EIF2AK4: variants seen among roughly 807,000 people sequenced by gnomAD.
The protein encoded by EIF2AK4 is eukaryotic translation initiation factor 2 alpha kinase 4.
A neutral mutation model predicts 211.1 loss-of-function variants in EIF2AK4; 139 were observed. The ratio of observed to expected loss-of-function variants is 0.66; its 90% CI spans 0.57 to 0.76. EIF2AK4 has a LOEUF of 0.76. EIF2AK4 is among the 30% of genes least tolerant of loss of function. The probability of loss-of-function intolerance (pLI) is 0.00; values close to 1 mark genes in which losing one functional copy is unlikely to be tolerated. For missense variants in EIF2AK4, 1,664 were observed against 2,043.8 expected, an observed-to-expected ratio of 0.81 and a Z score of 3.58; for synonymous variants, 710 against 751.3, an observed-to-expected ratio of 0.94 and a Z score of 0.90.
chr15:40,011,213 C>T (rs1034141880), intron 26 of EIF2AK4, 68 bp from the exon 27 acceptor site: 2 of 1,327,306 alleles, frequency 1.5e-6, no homozygotes, highest in Admixed American at 1.7e-5. Flanking sequence ...TAGAATTCGC[C>T]TGGAAATTGT....
At chr15:39,997,536 G>A (rs1360551445) in intron 19 of EIF2AK4, among the ~76,000 whole-genome samples, 1 of 152,200 alleles carries the variant, frequency 6.6e-6, no homozygotes, top group Non-Finnish European at 1.5e-5. Context: ...GGCTTGATAT[G>A]AATATGGTTA....
Position 40,032,622 on chromosome 15 carries a change from A to C in EIF2AK4, c.4729-135A>C, listed in dbSNP as rs2035558616. The C allele has an allele frequency of 5.4e-6, 4 of 744,328 alleles. No homozygotes were observed. In the South Asian group the frequency reaches 5.4e-5, roughly 10 times the overall value. The allele number at this position is 744,328 out of a possible 1,614,324, so 46.1% of individuals were successfully genotyped here. On this transcript the variant is annotated intron_variant, in intron 36 of 38. Transcript: ENST00000263791. ...CTAAGATCTTATCACTGCACAGTTC[A>C]TTAAGCCCTTTTACAGCACAATAGC...
intron 3 of EIF2AK4, chr15:39,946,811 T>C (rs1310072130): frequency 1.7e-6 from 1 of 597,784 alleles, no homozygotes; most frequent in Non-Finnish European, 3.0e-6. Flanking sequence ...GACAAAACCC[T>C]CTGTCTGCAA....
In EIF2AK4 at chr15:39,992,677, C is replaced by A. The variant is rs1409516711; in HGVS notation, c.2687-92C>A. 2 of 1,070,542 alleles carry A rather than the reference C, an allele frequency of 1.9e-6. 1 individual carries two copies. The highest frequency in any genetic ancestry group is 2.9e-6 in the Non-Finnish European group (2 of 693,976). 66.3% of individuals were successfully genotyped at this position (1,070,542 alleles called of 1,614,324 possible). ...TGGCATAGACAGTTAACAGATCATG[C>A]CTCACTTTTAAGAAACCTTTTTTTG... On this transcript the variant is annotated intron_variant, in intron 17 of 38. Transcript: ENST00000263791.
intron 19 of EIF2AK4, among the ~76,000 whole-genome samples, 169 bp downstream of exon 19, chr15:39,997,234 A>C (rs1031261581): frequency 1.3e-5 from 2 of 152,174 alleles, no homozygotes; most frequent in African/African-American, 4.8e-5. Context: ...CAGTTTTCCC[A>C]TTTTTAGTGA....
chr15:39,953,957 G>GA lies in EIF2AK4; in HGVS notation c.574dup (p.Arg192LysfsTer6). The GA allele has an allele frequency of 6.2e-7, 1 of 1,601,520 alleles. No individual in the cohort carries two copies. ...GAAGGAAAGAAGAGATAAAAGAAGA[G>GA]AAAAAAAGGAAAGAAATGGCTAAGC... On this transcript the variant is annotated frameshift_variant, in exon 5 of 39. Transcript: ENST00000263791. LOFTEE classifies it high-confidence loss of function.
At position 40,033,884 on chromosome 15, in the gene EIF2AK4, C is replaced by T. The variant is rs532492313; in HGVS notation, c.4774-442C>T. On this transcript the variant is annotated intron_variant, in intron 37 of 38. Coordinates refer to ENST00000263791, the MANE Select transcript of EIF2AK4 (RefSeq NM_001013703.4). ...TCTACTAAAAATACAAAAAATTAGC[C>T]GGGCGTAGTGGCAGGCGCCTGTAAT... Among the ~76,000 whole-genome samples, 265 of 151,988 alleles carry T rather than the reference C, an allele frequency of 1.7e-3. 2 individuals carry two copies. The highest frequency in any genetic ancestry group is 4.4e-3 in the South Asian group (21 of 4,816).
At position 39,961,899 on chromosome 15, in the gene EIF2AK4, G is replaced by A. The variant is rs2034478097; in HGVS notation, c.859G>A (p.Gly287Ser). 1 of 1,607,262 alleles carries A rather than the reference G, an allele frequency of 6.2e-7. No individual in the cohort carries two copies. The change falls in exon 7 of 39, where the codon GGC becomes AGC. Residue 287 changes from glycine (G) to serine (S), a missense_variant and splice_region_variant. Transcript: ENST00000263791. ...QLMVHKGKCI[G>S]SDEQLGKLVY... ...CATGGTGCACAAAGGGAAATGTATTGGTGAGTAAACTAGCAAAATCTATTC... is the reference window on the plus strand; with the variant it reads ...CATGGTGCACAAAGGGAAATGTATTAGTGAGTAAACTAGCAAAATCTATTC...
chr15:39,934,140 G>T lies in EIF2AK4; in HGVS notation c.-56G>T. 1.6e-6 allele frequency: 2 copies of T among 1,250,152 alleles called. No homozygotes were observed. Among genetic ancestry groups the T allele is most frequent in the South Asian group, 6.4e-5 (2 of 31,090 alleles). The allele number at this position is 1,250,152 out of a possible 1,614,324, so 77.4% of individuals were successfully genotyped here. ...AGCGCGGAGCCCCGCCCCGCAGGCT[G>T]CCGGGGGCCCACCGCCGCCCAGGCA... On this transcript the variant is annotated 5_prime_UTR_variant, in exon 1 of 39. Coordinates refer to ENST00000263791, the MANE Select transcript of EIF2AK4 (RefSeq NM_001013703.4).
At chr15:40,029,292 A>G in intron 33 of EIF2AK4, 114 bp from the exon 34 acceptor site, 1 of 1,407,952 alleles carries the variant, frequency 7.1e-7, no homozygotes, top group Non-Finnish European at 9.3e-7. Context: ...AACCAAGAAG[A>G]TGTTTTTATA....
At chr15:40,015,376 G>T (rs536866688) in intron 27 of EIF2AK4, among the ~76,000 whole-genome samples, 1 of 152,340 alleles carries the variant, frequency 6.6e-6, no homozygotes, top group Admixed American at 6.5e-5. Flanking sequence ...AATCATGGTG[G>T]AAAGCAAAGA....
Position 40,027,561 on chromosome 15 carries a change from C to T in EIF2AK4, c.4502+1472C>T, listed in dbSNP as rs1376229222. On this transcript the variant is annotated intron_variant, in intron 33 of 38. Transcript: ENST00000263791. ...ATTCTACTAAAGCTGAGTTCATTGA[C>T]ATGGAAAGATGTCCATAAATAGGAT... Among the ~76,000 whole-genome samples the T allele has an allele frequency of 2.0e-5, 3 of 151,594 alleles. No individual in the cohort carries two copies. In the East Asian group the frequency reaches 5.8e-4, roughly 29 times the overall value.
intron 4 of EIF2AK4, 119 bp from the exon 5 acceptor site, chr15:39,953,785 T>C: frequency 5.2e-6 from 5 of 959,998 alleles, no homozygotes; most frequent in Non-Finnish European, 7.8e-6. Flanking sequence ...TGTTTTCAGA[T>C]CTCTTAGGAA....
At chr15:40,031,048 T>C (rs1343305773) in intron 35 of EIF2AK4, among the ~76,000 whole-genome samples, 3 of 152,190 alleles carry the variant, frequency 2.0e-5, no homozygotes, top group Admixed American at 6.5e-5. Flanking sequence ...GAGACCACCC[T>C]GGCCAACATG....
chr15:39,935,539 C>T (rs2034052869), intron 1 of EIF2AK4, among the ~76,000 whole-genome samples: 1 of 152,024 alleles, frequency 6.6e-6, no homozygotes, highest in Non-Finnish European at 1.5e-5. Flanking sequence ...CTCTGTTGCC[C>T]GGGCTGGTAT....
intron 12 of EIF2AK4, chr15:39,977,069 C>T: frequency 2.3e-6 from 1 of 443,570 alleles, no homozygotes; most frequent in South Asian, 7.2e-5. Context: ...AACATTAATC[C>T]CCACCAAGTC....
At chr15:40,026,993 G>C (rs2035473505) in intron 33 of EIF2AK4, among the ~76,000 whole-genome samples, 1 of 151,916 alleles carries the variant, frequency 6.6e-6, no homozygotes, top group Admixed American at 6.6e-5. Flanking sequence ...ATTATTTCAG[G>C]ATCCCAAAGA....
rs150203079 is a variant in EIF2AK4 at position 40,005,001 on chromosome 15, A to C, written c.3357+1687A>C. Among the ~76,000 whole-genome samples, 583 of 152,374 alleles carry C rather than the reference A, an allele frequency of 3.8e-3. 1 individual carries two copies. The highest frequency in any genetic ancestry group is 5.4e-3 in the Non-Finnish European group (370 of 68,038). ...GAAAATACTCAGAAAAAAAAATTCC[A>C]ACAAGCAAAATTTGAATTTACCATG... On this transcript the variant is annotated intron_variant, in intron 23 of 38. Coordinates refer to ENST00000263791, the MANE Select transcript of EIF2AK4 (RefSeq NM_001013703.4).
intron 9 of EIF2AK4, 59 bp downstream of exon 9, chr15:39,967,938 G>T (rs2034568401): frequency 1.3e-6 from 2 of 1,543,786 alleles, no homozygotes; most frequent in African/African-American, 2.7e-5. Context: ...TGATTGTGCT[G>T]GAGTGTGCCA....
Sources: gnomAD v4.1 joint callset for allele counts (sites outside exome capture counted in the v4.1 genomes callset) on GRCh38, gnomAD v4.1.1 for gene constraint, MANE v1.5 for transcripts, NCBI Gene and HGNC (gene_info 2026-07-23, HGNC 2026-07-21) for gene names.